The following KLF3 variants were observed in gnomAD, a reference collection of about 807,000 sequenced individuals.
The protein encoded by KLF3 is KLF transcription factor 3, also known as Krueppel-like factor 3.
KLF3 carries 6 observed loss-of-function variants against 32.7 expected under a neutral mutation model. That is an observed-to-expected ratio of 0.18 (90% CI 0.10 to 0.36). KLF3 has a LOEUF of 0.36. Ranked by LOEUF, KLF3 falls within the 10% of genes least tolerant of loss-of-function variation. The probability of loss-of-function intolerance (pLI) is 1.00; values close to 1 mark genes in which losing one functional copy is unlikely to be tolerated. For missense variants in KLF3, 338 were observed against 449.7 expected (o/e 0.75, Z 2.25); for synonymous variants, 145 against 172.8 (o/e 0.84, Z 1.26).
In KLF3 at chr4:38,697,132, C is replaced by T. The variant is rs1472409063; in HGVS notation, c.907C>T (p.Arg303Trp). Residue 303 changes from arginine (R) to tryptophan (W), a missense_variant, in exon 6 of 6, where the codon CGG (arginine) becomes TGG (tryptophan). Physicochemically the swap from Arg to Trp is moderately radical, Grantham distance 101 (BLOSUM62 -3). Around this residue, in one of 2 missense-constraint regions of KLF3, gnomAD observed 66 missense variants for 136.2 expected, o/e 0.48. Coordinates refer to ENST00000261438, the MANE Select transcript of KLF3 (RefSeq NM_016531.6). Reference protein sequence around the residue: ...TWEGCTWKFARSDELTRHFRK... With the variant: ...TWEGCTWKFAWSDELTRHFRK... ...GGAAGGGTGCACATGGAAGTTTGCTCGGTCTGATGAACTAACAAGACATTT... is the reference window on the plus strand; with the variant it reads ...GGAAGGGTGCACATGGAAGTTTGCTTGGTCTGATGAACTAACAAGACATTT... The T allele has an allele frequency of 6.2e-7, 1 of 1,613,882 alleles. No individual in the cohort carries two copies. The highest frequency in any genetic ancestry group is 8.5e-7 in the Non-Finnish European group (1 of 1,179,864).
At chr4:38,679,999 G>A (rs1206085992) in intron 1 of KLF3, among the ~76,000 whole-genome samples, 1 of 152,058 alleles carries the variant, frequency 6.6e-6, no homozygotes, top group African/African-American at 2.4e-5. Context: ...CGCTCAGAAG[G>A]GGCTGTACAT....
At chr4:38,673,556 A>G (rs977335535) in intron 1 of KLF3, among the ~76,000 whole-genome samples, 2 of 152,236 alleles carry the variant, frequency 1.3e-5, no homozygotes, top group Non-Finnish European at 1.5e-5. Context: ...CAGAGAGCAT[A>G]AACAAGTGTG....
rs1722207501 is a variant in KLF3 at position 38,671,843 on chromosome 4, C to A, written c.-40+7382C>A. Among the ~76,000 whole-genome samples the A allele has an allele frequency of 6.6e-6, 1 of 152,180 alleles. No individual in the cohort carries two copies. The highest frequency in any genetic ancestry group is 6.5e-5 in the Admixed American group (1 of 15,282). ...ACCTGTGACATCACTTAGCCCCTTGCCTTCCTTGATCCCTTTTCAAAAACC... is the reference window on the plus strand; with the variant it reads ...ACCTGTGACATCACTTAGCCCCTTGACTTCCTTGATCCCTTTTCAAAAACC... On this transcript the variant is annotated intron_variant, in intron 1 of 5. Transcript: ENST00000261438. The surrounding 1 kb of genome is among the most constrained non-coding windows in gnomAD (Gnocchi z 4.4).
At chr4:38,672,689 G>A (rs929590363) in intron 1 of KLF3, among the ~76,000 whole-genome samples, 1 of 152,140 alleles carries the variant, frequency 6.6e-6, no homozygotes, top group South Asian at 2.1e-4. Flanking sequence ...TGTCAGACCC[G>A]GGGAGTGCAC....
intron 4 of KLF3, among the ~76,000 whole-genome samples, chr4:38,691,279 C>G (rs1000198317): frequency 6.6e-6 from 1 of 152,214 alleles, no homozygotes; most frequent in Non-Finnish European, 1.5e-5. Context: ...TTCCTGCCAT[C>G]TTGTCATATC....
intron 4 of KLF3, among the ~76,000 whole-genome samples, chr4:38,693,489 A>G (rs1015189176): frequency 2.6e-5 from 4 of 152,154 alleles, no homozygotes; most frequent in Admixed American, 2.0e-4. Flanking sequence ...TTTTATACCA[A>G]GAGACTCCCT....
At chr4:38,670,079 GT>G (rs527541013) in intron 1 of KLF3, among the ~76,000 whole-genome samples, 224 of 152,252 alleles carry the variant, frequency 1.5e-3, no homozygotes, top group Admixed American at 3.9e-3. Context: ...GCTCCTGGAG[GT>G]TTTTGAAACT....
At chr4:38,695,028 G>A in intron 5 of KLF3, 122 bp downstream of exon 5, 2 of 828,750 alleles carry the variant, frequency 2.4e-6, no homozygotes, top group Admixed American at 3.1e-5. Flanking sequence ...CTCCAGATGT[G>A]TCTTCTCCAG....
chr4:38,697,014 C>G, intron 5 of KLF3, 68 bp from the exon 6 acceptor site: 1 of 1,271,612 alleles, frequency 7.9e-7, no homozygotes, highest in Admixed American at 2.4e-5. Context: ...ATTTGTCAAG[C>G]ATTAACTCAA....
intron 2 of KLF3, among the ~76,000 whole-genome samples, chr4:38,685,629 CA>C (rs1722670930): frequency 6.6e-6 from 1 of 152,172 alleles, no homozygotes; most frequent in Non-Finnish European, 1.5e-5. Flanking sequence ...TTTTGCTTCC[CA>C]TTTAGCTGCC....
At chr4:38,680,771 C>A in intron 2 of KLF3, 89 bp downstream of exon 2, 2 of 1,115,828 alleles carry the variant, frequency 1.8e-6, no homozygotes, top group Non-Finnish European at 2.7e-6. Flanking sequence ...GAAATCATGG[C>A]CGGGCGTGGT....
At chr4:38,668,351 G>T (rs935701472) in intron 1 of KLF3, among the ~76,000 whole-genome samples, 3 of 151,664 alleles carry the variant, frequency 2.0e-5, no homozygotes, top group African/African-American at 7.3e-5. Context: ...TTAATCAAAA[G>T]GAATCATCTA....
Position 38,699,934 on chromosome 4 carries a change from G to T in KLF3, c.*2671G>T, listed in dbSNP as rs1008000773. On this transcript the variant is annotated 3_prime_UTR_variant, in exon 6 of 6. Transcript: ENST00000261438. The stretch of plus-strand genomic sequence containing the variant: ...TAGATGCCCTTGAACATGTTTTAAT[G>T]ATGTGTGTCATGTTACTATCAATGG... The T allele has an allele frequency of 1.3e-5, 2 of 152,184 alleles. No individual in the cohort carries two copies. Among genetic ancestry groups the T allele is most frequent in the African/African-American group, 4.8e-5 (2 of 41,456 alleles). The allele number at this position is 152,184 out of a possible 1,614,324, so 9.4% of individuals were successfully genotyped here.
intron 3 of KLF3, among the ~76,000 whole-genome samples, 177 bp from the exon 4 acceptor site, chr4:38,689,552 T>A (rs780994481): frequency 2.9e-4 from 44 of 152,226 alleles, no homozygotes; most frequent in Non-Finnish European, 5.4e-4. Flanking sequence ...TGCTGCTTAC[T>A]GGCAAAATAA....
intron 2 of KLF3, among the ~76,000 whole-genome samples, chr4:38,684,725 T>C (rs1200110079): frequency 6.6e-6 from 1 of 152,020 alleles, no homozygotes; most frequent in Non-Finnish European, 1.5e-5. Context: ...CGCTACATTT[T>C]TGTTTTTTTC....
intron 3 of KLF3, 124 bp from the exon 4 acceptor site, chr4:38,689,605 A>G (rs561409788): frequency 6.4e-5 from 43 of 676,596 alleles, no homozygotes; most frequent in African/African-American, 4.4e-4. Context: ...TGTTCCTGCT[A>G]TAGTCTGCCA....
At chr4:38,693,709 T>C (rs1259002682) in intron 4 of KLF3, among the ~76,000 whole-genome samples, 2 of 152,174 alleles carry the variant, frequency 1.3e-5, no homozygotes, top group Non-Finnish European at 2.9e-5. Context: ...TAGAGGCCAA[T>C]GACATACACT....
chr4:38,668,971 C>T (rs1373771168), intron 1 of KLF3, among the ~76,000 whole-genome samples: 2 of 152,168 alleles, frequency 1.3e-5, no homozygotes, highest in Non-Finnish European at 2.9e-5. Flanking sequence ...AATCATGATT[C>T]CTAATTTAAT....
At chr4:38,690,424 G>A (rs1560419422) in intron 4 of KLF3, 1 of 152,302 alleles carries the variant, frequency 6.6e-6, no homozygotes, top group Non-Finnish European at 1.5e-5. Flanking sequence ...AACCTCATTT[G>A]TGGGATCCTG....
Sources: gnomAD v4.1 joint callset for allele counts (sites outside exome capture counted in the v4.1 genomes callset) on GRCh38, gnomAD v4.1.1 for gene constraint, gnomAD v4.1.1 regional missense constraint, Gnocchi (gnomAD v3.1) non-coding constraint, MANE v1.5 for transcripts, NCBI Gene and HGNC (gene_info 2026-07-23, HGNC 2026-07-21) for gene names.